CCDC24: variants seen among roughly 807,000 people sequenced by gnomAD.
The protein encoded by CCDC24 is coiled-coil domain-containing protein 24.
In CCDC24, 34 loss-of-function variants were observed where a neutral mutation model predicts 31.6. The ratio of observed to expected loss-of-function variants is 1.08; its 90% CI spans 0.82 to 1.43. The LOEUF (loss-of-function observed/expected upper bound fraction) is 1.43, where lower values mean the gene tolerates loss of function less well. Among genes scored for constraint, CCDC24 ranks in the 40% most tolerant of loss-of-function variants. The pLI, the probability that CCDC24 is intolerant of heterozygous loss-of-function variation, is 0.00. For missense variants in CCDC24, 426 were observed against 391.1 expected (o/e 1.09, Z -0.75); for synonymous variants, 175 against 157.3 (o/e 1.11, Z -0.84).
In CCDC24 at chr1:43,993,984, G is replaced by A. The variant is rs2154303689; in HGVS notation, c.497+20G>A. ...CCTGAGGTGAGGCCCAGGGGCACCT[G>A]CATGTGTATAGGCAGGGGTGGAGAC... On this transcript the variant is annotated intron_variant, in intron 5 of 8. Coordinates refer to ENST00000372318, the MANE Select transcript of CCDC24 (RefSeq NM_152499.4). 6.2e-7 allele frequency: 1 copy of A among 1,606,544 alleles called. No homozygotes were observed. The highest frequency in any genetic ancestry group is 2.2e-5 in the East Asian group (1 of 44,860).
chr1:43,994,683 C>T lies in CCDC24; in HGVS notation c.498-425C>T, dbSNP rs543378445. 6 of 185,252 alleles carry T rather than the reference C, an allele frequency of 3.2e-5. No homozygotes were observed. The East Asian group carries it at 7.2e-4, about 22-fold the overall frequency. 11.5% of individuals were successfully genotyped at this position (185,252 alleles called of 1,614,324 possible). A position where few individuals can be genotyped will look rare whatever the true frequency, so the allele number is the denominator to read the frequency against. On this transcript the variant is annotated intron_variant, in intron 5 of 8. Transcript: ENST00000372318. ...GTCTCGATCTCTTGATCTCATGATC[C>T]GCCCATCTCAGCCTCCCAAAGTGCT... is the stretch of plus-strand genomic sequence containing the variant.
At chr1:43,994,070 G>A in intron 5 of CCDC24, 106 bp downstream of exon 5, 1 of 1,010,730 alleles carries the variant, frequency 9.9e-7, no homozygotes, top group Non-Finnish European at 1.5e-6. Flanking sequence ...ACTTGGCGGG[G>A]AGGCCCATGT....
chr1:43,995,449 C>A lies in CCDC24; in HGVS notation c.553-152C>A. On this transcript the variant is annotated intron_variant, in intron 6 of 8. Coordinates refer to ENST00000372318, the MANE Select transcript of CCDC24 (RefSeq NM_152499.4). The surrounding 1 kb of genome is among the most constrained non-coding windows in gnomAD (Gnocchi z 4.3). ...ACTATCTTGCCAAACTCAGCTCTTC[C>A]GCAAGGCTGGTATTCCCTGGGGAAC... is the stretch of plus-strand genomic sequence containing the variant. The A allele has an allele frequency of 3.4e-6, 3 of 877,096 alleles. No homozygotes were observed. The highest frequency in any genetic ancestry group is 5.2e-6 in the Non-Finnish European group (3 of 581,974). The allele number at this position is 877,096 out of a possible 1,614,324, so 54.3% of individuals were successfully genotyped here.
Position 43,996,004 on chromosome 1 carries a change from T to G in CCDC24, c.768T>G (p.Pro256=). 6.2e-7 allele frequency: 1 copy of G among 1,614,146 alleles called. No individual in the cohort carries two copies. Among genetic ancestry groups the G allele is most frequent in the Non-Finnish European group, 8.5e-7 (1 of 1,180,024 alleles). ...RPPLPLCGVA[P]LQCCLPAPPL... is the part of the protein sequence containing the mutation. The stretch of plus-strand genomic sequence containing the variant: ...CGCTTCCCCTCTGCGGGGTTGCACC[T>G]CTCCAGTGCTGCCTGCCTGCACCTC... Residue 256 remains proline (P), a synonymous_variant, in exon 9 of 9, where the codon CCT becomes CCG. Coordinates refer to ENST00000372318, the MANE Select transcript of CCDC24 (RefSeq NM_152499.4).
At position 43,995,121 on chromosome 1, in the gene CCDC24, G is replaced by T; in HGVS notation, c.511G>T (p.Glu171Ter). ...VARHLRGLLE[E>*]ECHTLEREIL... ...CTCATGTCCCAGGGGCCTTCTGGAG[G>T]AGGAGTGTCACACCTTGGAGAGGGA... is the stretch of plus-strand genomic sequence containing the variant. The change falls in exon 6 of 9, where the codon GAG becomes TAG. Residue 171 changes from glutamate (E) to a stop codon, truncating the protein, a stop_gained. Coordinates refer to ENST00000372318, the MANE Select transcript of CCDC24 (RefSeq NM_152499.4). LOFTEE classifies it high-confidence loss of function. This position sits in a 1 kb window ranked among gnomAD's most constrained non-coding sequence, Gnocchi z 4.3. 6.3e-7 allele frequency: 1 copy of T among 1,583,274 alleles called. No homozygotes were observed. The highest frequency in any genetic ancestry group is 2.3e-5 in the East Asian group (1 of 43,268).
In CCDC24 at chr1:43,993,951, G is replaced by A; in HGVS notation, c.484G>A (p.Ala162Thr). 1.2e-6 allele frequency: 2 copies of A among 1,614,094 alleles called. No individual in the cohort carries two copies. Among genetic ancestry groups the A allele is most frequent in the Non-Finnish European group, 1.7e-6 (2 of 1,179,956 alleles). ...GAACGTGTCCAACATTGACCAGGTGGCCAGACACCTGAGGTGAGGCCCAGG... is the reference window on the plus strand; with the variant it reads ...GAACGTGTCCAACATTGACCAGGTGACCAGACACCTGAGGTGAGGCCCAGG... ...QLNVSNIDQVARHLRGLLEEE... is the reference protein window; with the variant it reads ...QLNVSNIDQVTRHLRGLLEEE... The change falls in exon 5 of 9, where the codon GCC becomes ACC. Residue 162 changes from alanine to threonine, a missense_variant. Coordinates refer to ENST00000372318, the MANE Select transcript of CCDC24 (RefSeq NM_152499.4).
Position 43,992,629 on chromosome 1 carries a change from G to A in CCDC24, c.409G>A (p.Gly137Ser), listed in dbSNP as rs187616405. The change falls in exon 4 of 9, where the codon GGT becomes AGT. Residue 137 changes from glycine (G) to serine (S), a missense_variant. Transcript: ENST00000372318. Reference sequence around the variant, plus strand: ...ACAGGAGATATTCCAGATGAGAGGTGGTGGGCCCAGGTAAGGTGATGGTAG... The same window carrying A: ...ACAGGAGATATTCCAGATGAGAGGTAGTGGGCCCAGGTAAGGTGATGGTAG... ...PEQEIFQMRG[G>S]GPSSGHRDLS... 6.8e-6 allele frequency: 11 copies of A among 1,614,016 alleles called. No homozygotes were observed. The African/African-American group carries it at 1.5e-4, about 22-fold the overall frequency.
chr1:43,994,616 T>A (rs1233750556), intron 5 of CCDC24: 1 of 160,752 alleles, frequency 6.2e-6, no homozygotes. Context: ...AATTTTTTTG[T>A]ATTTTTAGTA....
In CCDC24 at chr1:43,996,149, G is replaced by A. The variant is rs151061560; in HGVS notation, c.913G>A (p.Ala305Thr). 646 of 1,587,500 alleles carry A rather than the reference G, an allele frequency of 4.1e-4. 2 individuals carry two copies. The highest frequency in any genetic ancestry group is 4.7e-4 in the Non-Finnish European group (543 of 1,165,756). ...STPMSSAAPQ[A>T]PA is the part of the protein sequence containing the mutation. Reference sequence around the variant, plus strand: ...ACCCATGTCCAGTGCAGCACCCCAAGCCCCAGCCTGAAGGGCTGGTCACCG... The same window carrying A: ...ACCCATGTCCAGTGCAGCACCCCAAACCCCAGCCTGAAGGGCTGGTCACCG... Residue 305 changes from alanine to threonine, a missense_variant, in exon 9 of 9, where the codon GCC (alanine) becomes ACC (threonine). Transcript: ENST00000372318.
Position 43,991,928 on chromosome 1 carries a change from C to T in CCDC24, c.50C>T (p.Pro17Leu). 6.5e-7 allele frequency: 1 copy of T among 1,545,788 alleles called. No individual in the cohort carries two copies. Among genetic ancestry groups the T allele is most frequent in the Non-Finnish European group, 8.7e-7 (1 of 1,143,060 alleles). Residue 17 changes from proline (P) to leucine (L), a missense_variant, in exon 2 of 9, where the codon CCG (proline) becomes CTG (leucine). Coordinates refer to ENST00000372318, the MANE Select transcript of CCDC24 (RefSeq NM_152499.4). ...TGGGAGCTGGTGGAGGAGCACGTTC[C>T]GCTCCGGGAGCGACGCGAAGTGAAG... ...SLWELVEEHV[P>L]LRERREVKRI... is the part of the protein sequence containing the mutation.
chr1:43,996,327 C>A lies in CCDC24; in HGVS notation c.*167C>A, dbSNP rs2085858504. The A allele has an allele frequency of 3.2e-6, 2 of 630,874 alleles. No homozygotes were observed. The highest frequency in any genetic ancestry group is 1.8e-5 in the African/African-American group (1 of 54,320). 39.1% of individuals were successfully genotyped at this position (630,874 alleles called of 1,614,324 possible). On this transcript the variant is annotated 3_prime_UTR_variant, in exon 9 of 9. Transcript: ENST00000372318. ...CCCTTGCCCCACCCCCTTGCCAGAT[C>A]CCTGGTGTCTGGAGCTGAGTGGCCG...
Position 43,995,835 on chromosome 1 carries a change from C to G in CCDC24, c.680C>G (p.Ser227Cys), listed in dbSNP as rs1295883158. Residue 227 changes from serine (S) to cysteine (C), a missense_variant, in exon 8 of 9, where the codon TCT becomes TGT. Ser to Cys is a moderately radical substitution (Grantham distance 112). Coordinates refer to ENST00000372318, the MANE Select transcript of CCDC24 (RefSeq NM_152499.4). This position sits in a 1 kb window ranked among gnomAD's most constrained non-coding sequence, Gnocchi z 4.3. ...EQELQASVGP[S>C]CVSPNHRQRP... ...GAGCTGCAGGCATCTGTGGGGCCTT[C>G]TTGTGTCTCTCCCAACCACAGGTAA... The G allele has an allele frequency of 6.2e-7, 1 of 1,614,122 alleles. No individual in the cohort carries two copies. Among genetic ancestry groups the G allele is most frequent in the African/African-American group, 1.3e-5 (1 of 74,936 alleles).
Position 43,996,400 on chromosome 1 carries a change from C to G in CCDC24, c.*240C>G. On this transcript the variant is annotated 3_prime_UTR_variant, in exon 9 of 9. Transcript: ENST00000372318. ...GCCTTTGGCCTTTCTCCTCCCAGGC[C>G]TCCACAAAGGCCTGGCAGACAGAGG... is the stretch of plus-strand genomic sequence containing the variant. The G allele has an allele frequency of 2.1e-6, 1 of 487,008 alleles. No homozygotes were observed. The highest frequency in any genetic ancestry group is 3.3e-5 in the East Asian group (1 of 30,428). 30.2% of individuals were successfully genotyped at this position (487,008 alleles called of 1,614,324 possible).
chr1:43,995,070 G>T lies in CCDC24; in HGVS notation c.498-38G>T. On this transcript the variant is annotated intron_variant, in intron 5 of 8. Coordinates refer to ENST00000372318, the MANE Select transcript of CCDC24 (RefSeq NM_152499.4). The surrounding 1 kb of genome is among the most constrained non-coding windows in gnomAD (Gnocchi z 4.3). ...GTGGACTCAGCTGAGCCCTGGTCCTGTGTCTCGGGTTCTGGCTGCTGCTCC... is the reference window on the plus strand; with the variant it reads ...GTGGACTCAGCTGAGCCCTGGTCCTTTGTCTCGGGTTCTGGCTGCTGCTCC... The T allele has an allele frequency of 6.4e-7, 1 of 1,553,570 alleles. No individual in the cohort carries two copies. The highest frequency in any genetic ancestry group is 8.7e-7 in the Non-Finnish European group (1 of 1,149,030).
rs2085837242 is a variant in CCDC24 at position 43,995,830 on chromosome 1, GC to G, written c.677del (p.Pro226LeufsTer89). The G allele has an allele frequency of 6.2e-7, 1 of 1,614,114 alleles. No individual in the cohort carries two copies. Among genetic ancestry groups the G allele is most frequent in the Non-Finnish European group, 8.5e-7 (1 of 1,180,044 alleles). On this transcript the variant is annotated frameshift_variant, in exon 8 of 9. Coordinates refer to ENST00000372318, the MANE Select transcript of CCDC24 (RefSeq NM_152499.4). LOFTEE classifies it low-confidence loss of function (END_TRUNC). This position sits in a 1 kb window ranked among gnomAD's most constrained non-coding sequence, Gnocchi z 4.3. ...AGCAGGAGCTGCAGGCATCTGTGGG[GC>G]CTTCTTGTGTCTCTCCCAACCACAG... The part of the protein sequence containing the change: ...MEQELQASVG[P>X]SCVSPNHRQR...
chr1:43,992,784 A>G (rs1351402974), intron 4 of CCDC24, 145 bp downstream of exon 4: 6 of 748,062 alleles, frequency 8.0e-6, no homozygotes, highest in South Asian at 6.7e-5. Flanking sequence ...TTATCAGCCC[A>G]TGAGGGCTAC....
At chr1:43,992,454 G>A in intron 3 of CCDC24, 67 bp downstream of exon 3, 1 of 1,612,802 alleles carries the variant, frequency 6.2e-7, no homozygotes, top group East Asian at 2.2e-5. Flanking sequence ...CTAACAAGGA[G>A]CCAGGGTTGC....
At chr1:43,994,663 G>A (rs922851309) in intron 5 of CCDC24, 5 of 174,498 alleles carry the variant, frequency 2.9e-5, no homozygotes, top group Admixed American at 5.7e-5. Context: ...GGATGGTCTC[G>A]ATCTCTTGAT....
Position 43,992,020 on chromosome 1 carries a change from GTGGGCCACGCCCC to G in CCDC24, c.126+20_126+32del. The G allele has an allele frequency of 1.3e-6, 2 of 1,489,632 alleles. No individual in the cohort carries two copies. The highest frequency in any genetic ancestry group is 2.7e-5 in the South Asian group (2 of 75,322). The allele number at this position is 1,489,632 out of a possible 1,614,324, so 92.3% of individuals were successfully genotyped here. A position where few individuals can be genotyped will look rare whatever the true frequency, so the allele number is the denominator to read the frequency against. On this transcript the variant is annotated intron_variant, in intron 2 of 8. Coordinates refer to ENST00000372318, the MANE Select transcript of CCDC24 (RefSeq NM_152499.4). Reference sequence around the variant, plus strand: ...GCGGGCGGAGGTGGGGAGAGGGAAGGTGGGCCACGCCCCTGGCCTGCCCCACGACTCGGGTGAT... The same window carrying G: ...GCGGGCGGAGGTGGGGAGAGGGAAGGTGGCCTGCCCCACGACTCGGGTGAT...
Sources: gnomAD v4.1 joint callset for allele counts on GRCh38, gnomAD v4.1.1 for gene constraint, Gnocchi (gnomAD v3.1) non-coding constraint, MANE v1.5 for transcripts, NCBI Gene and HGNC (gene_info 2026-07-23, HGNC 2026-07-21) for gene names.